Variants in SUDS3 observed in about 807,000 individuals in gnomAD.
SUDS3 encodes sin3 histone deacetylase corepressor complex component SDS3.
Under a neutral mutation model 53.5 loss-of-function variants are expected in SUDS3, and 23 were observed. That is an observed-to-expected ratio of 0.43 (90% CI 0.31 to 0.61). SUDS3 has a LOEUF of 0.61. Ranked by LOEUF, SUDS3 falls within the 20% of genes least tolerant of loss-of-function variation. SUDS3 has a pLI of 0.10. For missense variants in SUDS3, 291 were observed against 405.9 expected (o/e 0.72, Z 2.43); for synonymous variants, 150 against 148.5 (o/e 1.01, Z -0.08).
At chr12:118,397,724 A>AT (rs553865776) in intron 6 of SUDS3, among the ~76,000 whole-genome samples, 19,205 of 146,280 alleles carry the variant, frequency 0.13, 2,389 homozygotes, top group African/African-American at 0.32. Flanking sequence ...AATAAAATAG[A>AT]TTTTTTTTTT....
intron 6 of SUDS3, among the ~76,000 whole-genome samples, chr12:118,392,641 G>T (rs1375326110): frequency 6.6e-6 from 1 of 152,152 alleles, no homozygotes; most frequent in African/African-American, 2.4e-5. Context: ...TACCTTATCT[G>T]GTACCAGTCT....
At chr12:118,407,957 A>G (rs1312410595) in intron 10 of SUDS3, among the ~76,000 whole-genome samples, 1 of 151,950 alleles carries the variant, frequency 6.6e-6, no homozygotes, top group Non-Finnish European at 1.5e-5. Context: ...GCTGGAGTGC[A>G]GTGGCGCCAT....
chr12:118,414,554 T>G lies in SUDS3; in HGVS notation c.*121T>G. On this transcript the variant is annotated 3_prime_UTR_variant, in exon 12 of 12. Coordinates refer to ENST00000543473, the MANE Select transcript of SUDS3 (RefSeq NM_022491.3). Reference sequence around the variant, plus strand: ...GGGAATAGCTACTCAGCCTTGGAAATGGAGAGCACTGCAGTGAATTCTTTA... The same window carrying G: ...GGGAATAGCTACTCAGCCTTGGAAAGGGAGAGCACTGCAGTGAATTCTTTA... 1.3e-6 allele frequency: 1 copy of G among 784,376 alleles called. No homozygotes were observed. Among genetic ancestry groups the G allele is most frequent in the Non-Finnish European group, 2.0e-6 (1 of 510,254 alleles). 48.6% of individuals were successfully genotyped at this position (784,376 alleles called of 1,614,324 possible).
chr12:118,403,718 A>T (rs951062810), intron 10 of SUDS3, among the ~76,000 whole-genome samples: 1 of 152,212 alleles, frequency 6.6e-6, no homozygotes. Flanking sequence ...TCCCAAAACC[A>T]TGTTCTGCTC....
chr12:118,413,400 T>C (rs1260173998), intron 11 of SUDS3, among the ~76,000 whole-genome samples: 2 of 152,260 alleles, frequency 1.3e-5, no homozygotes, highest in Non-Finnish European at 2.9e-5. Context: ...GGGGCTTTGA[T>C]GTCAGACACC....
In SUDS3 at chr12:118,377,452, T is replaced by C. The variant is rs529765742; in HGVS notation, c.142+619T>C. Among the ~76,000 whole-genome samples, 5 of 152,202 alleles carry C rather than the reference T, an allele frequency of 3.3e-5. No homozygotes were observed. In the South Asian group the frequency reaches 1.0e-3, roughly 32 times the overall value. Reference sequence around the variant, plus strand: ...GCACTTCCTAGGGTCGGTATAGGGATTAAATGACATGCGCATAAAGTACTT... The same window carrying C: ...GCACTTCCTAGGGTCGGTATAGGGACTAAATGACATGCGCATAAAGTACTT... On this transcript the variant is annotated intron_variant, in intron 1 of 11. Coordinates refer to ENST00000543473, the MANE Select transcript of SUDS3 (RefSeq NM_022491.3).
chr12:118,383,232 A>AT (rs1211471994), intron 2 of SUDS3, among the ~76,000 whole-genome samples: 2 of 152,208 alleles, frequency 1.3e-5, no homozygotes, highest in Non-Finnish European at 2.9e-5. Flanking sequence ...TATGTTGGAC[A>AT]GTGTTCTTTC....
intron 4 of SUDS3, among the ~76,000 whole-genome samples, chr12:118,386,423 G>A (rs1397453712): frequency 6.6e-6 from 1 of 152,176 alleles, no homozygotes; most frequent in Admixed American, 6.5e-5. Context: ...TTGGAGTTAG[G>A]TTGTTCTCCC....
chr12:118,400,913 G>C (rs2046257895), intron 7 of SUDS3, among the ~76,000 whole-genome samples, 159 bp downstream of exon 7: 1 of 152,192 alleles, frequency 6.6e-6, no homozygotes, highest in Admixed American at 6.5e-5. Context: ...GTCAGGGGTT[G>C]CTCATTTTAT....
chr12:118,401,944 G>A, intron 8 of SUDS3, 39 bp from the exon 9 acceptor site: 1 of 1,613,566 alleles, frequency 6.2e-7, no homozygotes. Flanking sequence ...CACCTGAAAT[G>A]ATTTTCTCTA....
rs145864097 is a variant in SUDS3 at position 118,394,478 on chromosome 12, C to T, written c.517+3196C>T. Among the ~76,000 whole-genome samples, 85 of 152,244 alleles carry T rather than the reference C, an allele frequency of 5.6e-4. No homozygotes were observed. In the East Asian group the frequency reaches 0.015, roughly 27 times the overall value. ...ACTCCAAGCATATTCTCTTCACCAC[C>T]ACTACTACTGACTCTCTGCAGATAC... On this transcript the variant is annotated intron_variant, in intron 6 of 11. Coordinates refer to ENST00000543473, the MANE Select transcript of SUDS3 (RefSeq NM_022491.3).
Position 118,376,813 on chromosome 12 carries a change from G to C in SUDS3, c.122G>C (p.Arg41Pro). 6.5e-7 allele frequency: 1 copy of C among 1,548,210 alleles called. No individual in the cohort carries two copies. Among genetic ancestry groups the C allele is most frequent in the Non-Finnish European group, 8.7e-7 (1 of 1,153,790 alleles). The part of the protein sequence containing the change: ...ESAEDDERSC[R>P]GRESDEDTED... ...GCCGAGGACGACGAGCGCAGCTGTC[G>C]GGGCCGCGAGTCGGACGAAGGTGAG... Residue 41 changes from arginine (R) to proline (P), a missense_variant, in exon 1 of 12, where the codon CGG becomes CCG. Physicochemically the swap from Arg to Pro is moderately radical, Grantham distance 103. Transcript: ENST00000543473.
chr12:118,400,690 A>G lies in SUDS3; in HGVS notation c.549A>G (p.Arg183=). 2.5e-6 allele frequency: 4 copies of G among 1,613,986 alleles called. No homozygotes were observed. The highest frequency in any genetic ancestry group is 3.4e-6 in the Non-Finnish European group (4 of 1,179,882). The change falls in exon 7 of 12, where the codon AGA becomes AGG. Residue 183 remains arginine, a synonymous_variant. Coordinates refer to ENST00000543473, the MANE Select transcript of SUDS3 (RefSeq NM_022491.3). The part of the protein sequence containing the change: ...DSMEVKPIMT[R]KLRRRPNDPV... ...TGGAGGTGAAACCTATCATGACCAG[A>G]AAGTTGCGGAGGCGACCAAATGATC...
chr12:118,381,640 G>A (rs571420269), intron 2 of SUDS3, among the ~76,000 whole-genome samples: 1 of 152,202 alleles, frequency 6.6e-6, no homozygotes, highest in East Asian at 1.9e-4. Flanking sequence ...ACCTGCTTTG[G>A]TCTCCCAAAG....
intron 4 of SUDS3, among the ~76,000 whole-genome samples, 189 bp from the exon 5 acceptor site, chr12:118,389,738 A>G (rs1233714491): frequency 2.0e-5 from 3 of 152,210 alleles, no homozygotes; most frequent in African/African-American, 4.8e-5. Context: ...TGGCAGGGTC[A>G]CATTTTAACT....
At chr12:118,407,720 GTT>G (rs398055978) in intron 10 of SUDS3, among the ~76,000 whole-genome samples, 9 of 137,080 alleles carry the variant, frequency 6.6e-5, no homozygotes, top group South Asian at 2.3e-4. Flanking sequence ...GTTATTTTTG[GTT>G]TTTTTTTTTT....
intron 11 of SUDS3, among the ~76,000 whole-genome samples, chr12:118,412,622 T>C (rs541791989): frequency 3.9e-5 from 6 of 152,278 alleles, no homozygotes; most frequent in African/African-American, 1.4e-4. Flanking sequence ...ATGGTAATCA[T>C]TTGCACCTGG....
Position 118,376,592 on chromosome 12 carries a change from G to A in SUDS3, c.-100G>A, listed in dbSNP as rs1022997324. 1.0e-5 allele frequency: 13 copies of A among 1,247,194 alleles called. No homozygotes were observed. Among genetic ancestry groups the A allele is most frequent in the African/African-American group, 3.1e-5 (2 of 64,118 alleles). The allele number at this position is 1,247,194 out of a possible 1,614,324, so 77.3% of individuals were successfully genotyped here. Reference sequence around the variant, plus strand: ...GGGGTCGCCGTGGCTGCCGGTCCTCGAGTTGGGGGCTGCCGCGGACACTGC... The same window carrying A: ...GGGGTCGCCGTGGCTGCCGGTCCTCAAGTTGGGGGCTGCCGCGGACACTGC... On this transcript the variant is annotated 5_prime_UTR_variant, in exon 1 of 12. Transcript: ENST00000543473.
At chr12:118,394,712 G>A (rs1790907700) in intron 6 of SUDS3, among the ~76,000 whole-genome samples, 1 of 152,150 alleles carries the variant, frequency 6.6e-6, no homozygotes, top group Non-Finnish European at 1.5e-5. Context: ...TAAAGACAGG[G>A]TCTCACTCCA....
Sources: allele counts gnomAD v4.1 joint callset (sites outside exome capture counted in the v4.1 genomes callset), GRCh38; gene constraint gnomAD v4.1.1; transcripts MANE v1.5; gene names NCBI Gene and HGNC (gene_info 2026-07-23, HGNC 2026-07-21).